Variants in GLYATL1 observed in about 807,000 individuals in gnomAD.
The protein encoded by GLYATL1 is glycine-N-acyltransferase like 1, also known as glycine N-acyltransferase-like protein 1.
GLYATL1 carries 15 observed loss-of-function variants against 20.0 expected under a neutral mutation model. The ratio of observed to expected loss-of-function variants is 0.75; its 90% CI spans 0.50 to 1.15. GLYATL1 has a LOEUF of 1.15. GLYATL1 is among the 50% of genes most tolerant of loss of function. The pLI is 0.00. For synonymous variants in GLYATL1, 151 were observed against 131.5 expected (o/e 1.15, Z -1.01); for missense variants, 380 against 368.5 (o/e 1.03, Z -0.26).
chr11:58,914,672 A>C (rs2135101520), intron 1 of GLYATL1, among the ~76,000 whole-genome samples: 1 of 152,300 alleles, frequency 6.6e-6, no homozygotes, highest in South Asian at 2.1e-4. Flanking sequence ...TGGAGGTGAT[A>C]GGATTAACTC....
intron 4 of GLYATL1, among the ~76,000 whole-genome samples, chr11:58,951,261 T>C (rs1430243850): frequency 6.6e-6 from 1 of 152,162 alleles, no homozygotes; most frequent in Non-Finnish European, 1.5e-5. Flanking sequence ...ATATTAATCT[T>C]CCTTATGGCT....
intron 2 of GLYATL1, among the ~76,000 whole-genome samples, chr11:58,945,040 T>C (rs2135205330): frequency 1.1e-4 from 2 of 18,472 alleles, no homozygotes; most frequent in South Asian, 0.014. Context: ...ATATATTATA[T>C]ATAGGGGTAT....
intron 1 of GLYATL1, among the ~76,000 whole-genome samples, chr11:58,918,398 T>C (rs1855228972): frequency 6.6e-6 from 1 of 152,236 alleles, no homozygotes; most frequent in African/African-American, 2.4e-5. Flanking sequence ...GGCAGCAATT[T>C]GTTAGGTTGT....
At chr11:58,947,435 T>C (rs1856654869) in intron 3 of GLYATL1, 1 of 514,702 alleles carries the variant, frequency 1.9e-6, no homozygotes, top group African/African-American at 1.9e-5. Flanking sequence ...TGAATGGATA[T>C]GCATTCCAAG....
chr11:58,955,724 A>G lies in GLYATL1; in HGVS notation c.606A>G (p.Ile202Met), dbSNP rs372691267. Reference protein sequence around the residue: ...ERSLHYIKRCIEDLPAACMLG... With the variant: ...ERSLHYIKRCMEDLPAACMLG... Reference sequence around the variant, plus strand: ...GCCTGCATTACATCAAGCGCTGCATAGAAGACCTGCCAGCAGCCTGTATGC... The same window carrying G: ...GCCTGCATTACATCAAGCGCTGCATGGAAGACCTGCCAGCAGCCTGTATGC... The change falls in exon 7 of 7, where the codon ATA becomes ATG. Residue 202 changes from isoleucine (I) to methionine (M), a missense_variant. Ile to Met is a conservative substitution (Grantham distance 10). Coordinates refer to ENST00000532726, the MANE Select transcript of GLYATL1 (RefSeq NM_001389712.2). 2.5e-6 allele frequency: 4 copies of G among 1,614,224 alleles called. No individual in the cohort carries two copies. Among genetic ancestry groups the G allele is most frequent in the Non-Finnish European group, 3.4e-6 (4 of 1,180,036 alleles).
rs1335975257 is a variant in GLYATL1, at chr11:58,956,016, G to C, written c.898G>C (p.Val300Leu). ...HQWTCYPQNL[V>L]PF ...ATGGACTTGCTACCCACAGAATCTAGTTCCATTTTAGACAATGAAGCTGCT... is the reference window on the plus strand; with the variant it reads ...ATGGACTTGCTACCCACAGAATCTACTTCCATTTTAGACAATGAAGCTGCT... Residue 300 changes from valine to leucine, a missense_variant, in exon 7 of 7, where the codon GTT (valine) becomes CTT (leucine). Physicochemically the swap from Val to Leu is conservative, Grantham distance 32. Transcript: ENST00000532726. 6.2e-7 allele frequency: 1 copy of C among 1,610,522 alleles called. No homozygotes were observed. Among genetic ancestry groups the C allele is most frequent in the South Asian group, 1.1e-5 (1 of 91,026 alleles).
At chr11:58,953,259 T>A (rs1857126247) in intron 4 of GLYATL1, among the ~76,000 whole-genome samples, 1 of 152,162 alleles carries the variant, frequency 6.6e-6, no homozygotes, top group South Asian at 2.1e-4. Context: ...ATTGATAGTT[T>A]ATTCTTGAGG....
upstream of GLYATL1, among the ~76,000 whole-genome samples, chr11:58,937,788 G>C (rs74593438): frequency 6.6e-6 from 1 of 152,148 alleles, no homozygotes; most frequent in Non-Finnish European, 1.5e-5. Flanking sequence ...GTCTTCCAAC[G>C]ATGGCTGCTG....
chr11:58,941,974 A>G (rs555563151), intron 1 of GLYATL1, among the ~76,000 whole-genome samples: 14 of 152,342 alleles, frequency 9.2e-5, no homozygotes, highest in Admixed American at 2.6e-4. Flanking sequence ...ACTGTGAAGC[A>G]TATAAAAGTT....
At position 58,941,329 on chromosome 11, in the gene GLYATL1, T is replaced by A. The variant is rs561963775; in HGVS notation, c.-167+1679T>A. On this transcript the variant is annotated intron_variant, in intron 1 of 6. Coordinates refer to ENST00000532726, the MANE Select transcript of GLYATL1 (RefSeq NM_001389712.2). ...CCTTGTGATAGTTTACTGAGAATGATGATTTCTAGTTTCATCCATGTCCCT... is the reference window on the plus strand; with the variant it reads ...CCTTGTGATAGTTTACTGAGAATGAAGATTTCTAGTTTCATCCATGTCCCT... 3.6e-3 allele frequency among the ~76,000 whole-genome samples: 541 copies of A among 151,984 alleles called. 1 individual carries two copies. Among genetic ancestry groups the A allele is most frequent in the African/African-American group, 0.013 (521 of 41,452 alleles).
chr11:58,954,856 T>A lies in GLYATL1; in HGVS notation c.273T>A (p.Asn91Lys). The A allele has an allele frequency of 3.1e-6, 5 of 1,613,226 alleles. No homozygotes were observed. The highest frequency in any genetic ancestry group is 4.2e-6 in the Non-Finnish European group (5 of 1,179,742). Residue 91 changes from asparagine to lysine, a missense_variant, in exon 5 of 7, where the codon AAT becomes AAA. Transcript: ENST00000532726. The stretch of plus-strand genomic sequence containing the variant: ...AAAAATCAGAAGAAGTTTTGAAAAA[T>A]TGTGAGATCGTAAACTGGAAACAGA... ...EPQKSEEVLKNCEIVNWKQRL... is the reference protein window; with the variant it reads ...EPQKSEEVLKKCEIVNWKQRL...
chr11:58,950,817 TTG>T (rs1856938236), intron 4 of GLYATL1, among the ~76,000 whole-genome samples: 2 of 152,192 alleles, frequency 1.3e-5, no homozygotes, highest in Non-Finnish European at 1.5e-5. Context: ...ACTAGCGATA[TTG>T]AACATATTAT....
rs1857398755 is a variant in GLYATL1 at position 58,956,003 on chromosome 11, C to T, written c.885C>T (p.Tyr295=). 1 of 1,611,856 alleles carries T rather than the reference C, an allele frequency of 6.2e-7. No homozygotes were observed. Among genetic ancestry groups the T allele is most frequent in the Non-Finnish European group, 8.5e-7 (1 of 1,178,104 alleles). Residue 295 remains tyrosine, a synonymous_variant, in exon 7 of 7, where the codon TAC becomes TAT. Transcript: ENST00000532726. ...GTGAGTGGCACCAATGGACTTGCTACCCACAGAATCTAGTTCCATTTTAGA... is the reference window on the plus strand; with the variant it reads ...GTGAGTGGCACCAATGGACTTGCTATCCACAGAATCTAGTTCCATTTTAGA... ...ASCEWHQWTC[Y]PQNLVPF is the part of the protein sequence containing the mutation.
At chr11:58,943,433 G>C (rs887609889) in intron 1 of GLYATL1, 110 bp from the exon 2 acceptor site, 2 of 1,527,954 alleles carry the variant, frequency 1.3e-6, no homozygotes, top group Non-Finnish European at 1.8e-6. Context: ...AGGCACCCCC[G>C]GAGCCTCGGT....
At chr11:58,945,777 G>C (rs919577212) in intron 2 of GLYATL1, among the ~76,000 whole-genome samples, 2 of 152,124 alleles carry the variant, frequency 1.3e-5, no homozygotes, top group African/African-American at 2.4e-5. Flanking sequence ...TCAGACAGGG[G>C]ATAGGCTCAT....
intron 1 of GLYATL1, among the ~76,000 whole-genome samples, chr11:58,942,039 G>C (rs1856198015): frequency 6.6e-6 from 1 of 152,114 alleles, no homozygotes; most frequent in Admixed American, 6.5e-5. Context: ...AAGCTTTCTG[G>C]GTCAAAGACA....
At chr11:58,921,236 C>T (rs995724080) in intron 1 of GLYATL1, among the ~76,000 whole-genome samples, 4 of 152,154 alleles carry the variant, frequency 2.6e-5, no homozygotes, top group Admixed American at 1.3e-4. Flanking sequence ...GTGGGAAGCG[C>T]ACAAACAGCT....
intron 1 of GLYATL1, among the ~76,000 whole-genome samples, chr11:58,913,661 G>C (rs1315089063): frequency 6.6e-6 from 1 of 152,232 alleles, no homozygotes; most frequent in Non-Finnish European, 1.5e-5. Flanking sequence ...TTGTGTGTGT[G>C]TGCATGCACA....
At chr11:58,922,697 CTT>C (rs1855337419), upstream of GLYATL1, among the ~76,000 whole-genome samples, 1 of 152,194 alleles carries the variant, frequency 6.6e-6, no homozygotes, top group Non-Finnish European at 1.5e-5. Flanking sequence ...GCCTTTGTCT[CTT>C]TACCTTCCTA....
Sources: allele counts gnomAD v4.1 joint callset (sites outside exome capture counted in the v4.1 genomes callset), GRCh38; gene constraint gnomAD v4.1.1; transcripts MANE v1.5; gene names NCBI Gene and HGNC (gene_info 2026-07-23, HGNC 2026-07-21).